Variants in GTF2IRD1 observed in about 807,000 individuals in gnomAD.
GTF2IRD1 encodes the protein GTF2I repeat domain containing 1.
Under a neutral mutation model 113.2 loss-of-function variants are expected in GTF2IRD1, and 26 were observed. The observed-to-expected ratio is 0.23, with a 90% confidence interval of 0.17 to 0.32. The LOEUF (loss-of-function observed/expected upper bound fraction) is 0.32. Ranked by LOEUF, GTF2IRD1 falls within the 10% of genes least tolerant of loss-of-function variation. The pLI is 1.00. For missense variants in GTF2IRD1, 864 were observed against 1,280.8 expected (o/e 0.67, Z 4.97); for synonymous variants, 484 against 529.1 (o/e 0.91, Z 1.17).
intron 22 of GTF2IRD1, among the ~76,000 whole-genome samples, chr7:74,568,761 G>T (rs1800502153): frequency 6.6e-6 from 1 of 152,190 alleles, no homozygotes; most frequent in African/African-American, 2.4e-5. Flanking sequence ...AGGGACAGGG[G>T]AGGGTGATGA....
chr7:74,582,013 AAAAT>A (rs1288304650), intron 22 of GTF2IRD1, among the ~76,000 whole-genome samples: 2 of 152,164 alleles, frequency 1.3e-5, no homozygotes, highest in South Asian at 2.1e-4. Flanking sequence ...TCAACTCAAA[AAAAT>A]AAATAAATAA....
At chr7:74,546,984 C>A in intron 16 of GTF2IRD1, 119 bp from the exon 17 acceptor site, 1 of 855,328 alleles carries the variant, frequency 1.2e-6, no homozygotes, top group Non-Finnish European at 1.8e-6. Context: ...CCCAGGAAAG[C>A]TGGCAGGCCC....
At chr7:74,600,964 G>A (rs1802723985) in intron 25 of GTF2IRD1, 80 bp from the exon 26 acceptor site, 1 of 1,497,550 alleles carries the variant, frequency 6.7e-7, no homozygotes, top group East Asian at 2.3e-5. Context: ...TTAAGACAGA[G>A]CACTTTTCCA....
At chr7:74,470,586 A>G (rs148232099) in intron 1 of GTF2IRD1, among the ~76,000 whole-genome samples, 78 of 152,380 alleles carry the variant, frequency 5.1e-4, no homozygotes, top group East Asian at 9.6e-4. Context: ...AGGAATATGT[A>G]TAGTGGCTTT....
intron 22 of GTF2IRD1, among the ~76,000 whole-genome samples, chr7:74,578,881 A>G (rs1554365299): frequency 6.6e-6 from 1 of 151,846 alleles, no homozygotes; most frequent in Non-Finnish European, 1.5e-5. Context: ...TTGCTATTCA[A>G]GAGGCTGAGG....
intron 25 of GTF2IRD1, among the ~76,000 whole-genome samples, chr7:74,599,654 T>C (rs1351656636): frequency 6.6e-6 from 1 of 152,146 alleles, no homozygotes; most frequent in Non-Finnish European, 1.5e-5. Flanking sequence ...AGGACCACCA[T>C]ACATTAGTGA....
At chr7:74,466,018 G>A (rs1375504968) in intron 1 of GTF2IRD1, among the ~76,000 whole-genome samples, 1 of 152,186 alleles carries the variant, frequency 6.6e-6, no homozygotes, top group East Asian at 1.9e-4. Context: ...TGATCCACCC[G>A]CCTTGGCCTC....
At chr7:74,535,166 G>A (rs782356750) in intron 10 of GTF2IRD1, 28 bp downstream of exon 10, 20 of 1,598,476 alleles carry the variant, frequency 1.3e-5, no homozygotes, top group African/African-American at 2.7e-5. Flanking sequence ...AGTCCATTCT[G>A]AAGTTTCCGG....
At chr7:74,467,910 G>C (rs781786086) in intron 1 of GTF2IRD1, among the ~76,000 whole-genome samples, 13 of 152,090 alleles carry the variant, frequency 8.5e-5, no homozygotes, top group African/African-American at 2.7e-4. Flanking sequence ...GACCAGACTG[G>C]TCTTGAACTC....
At chr7:74,540,964 A>G (rs1193076331) in intron 14 of GTF2IRD1, among the ~76,000 whole-genome samples, 1 of 150,574 alleles carries the variant, frequency 6.6e-6, no homozygotes, top group Non-Finnish European at 1.5e-5. Context: ...GGGTTTCACC[A>G]TGATGGTCAG....
Position 74,512,935 on chromosome 7 carries a change from C to T in GTF2IRD1, c.229C>T (p.Arg77Trp), listed in dbSNP as rs1554343452. The change falls in exon 3 of 27, where the codon CGG (arginine) becomes TGG (tryptophan). Residue 77 changes from arginine (R) to tryptophan (W), a missense_variant. Arg to Trp is a moderately radical substitution (Grantham distance 101). Transcript: ENST00000424337. This position sits in a 1 kb window ranked among gnomAD's most constrained non-coding sequence, Gnocchi z 4.4. ...GAAGGGGAGAATGTTCCTGAATGCC[C>T]GGAAGGAGCTACAGTCAGACTTCCT... Reference protein sequence around the residue: ...TEKGRMFLNARKELQSDFLRF... With the variant: ...TEKGRMFLNAWKELQSDFLRF... The T allele has an allele frequency of 1.9e-6, 3 of 1,614,034 alleles. No homozygotes were observed. Among genetic ancestry groups the T allele is most frequent in the South Asian group, 1.1e-5 (1 of 91,086 alleles).
intron 1 of GTF2IRD1, among the ~76,000 whole-genome samples, chr7:74,463,051 T>C (rs1793482387): frequency 6.6e-6 from 1 of 152,142 alleles, no homozygotes; most frequent in African/African-American, 2.4e-5. Context: ...GCGTCTCTGG[T>C]CTTCACTCCT....
chr7:74,601,748 C>T lies in GTF2IRD1; in HGVS notation c.2766+568C>T, dbSNP rs1461844386. The T allele has an allele frequency of 2.6e-5, 5 of 195,202 alleles. No homozygotes were observed. In the East Asian group the frequency reaches 6.1e-4, roughly 24 times the overall value. 12.1% of individuals were successfully genotyped at this position (195,202 alleles called of 1,614,324 possible). On this transcript the variant is annotated intron_variant, in intron 26 of 26. Coordinates refer to ENST00000424337, the MANE Select transcript of GTF2IRD1 (RefSeq NM_005685.4). ...AATGAGCCGAGGTCGCGCCATTGCACTGCAGCCTGGGCAACAAGAGTGAAA... is the reference window on the plus strand; with the variant it reads ...AATGAGCCGAGGTCGCGCCATTGCATTGCAGCCTGGGCAACAAGAGTGAAA...
intron 1 of GTF2IRD1, among the ~76,000 whole-genome samples, chr7:74,485,020 A>G (rs1168435985): frequency 6.6e-6 from 1 of 152,190 alleles, no homozygotes; most frequent in Non-Finnish European, 1.5e-5. Flanking sequence ...CCTTCCTTCC[A>G]GAATCCCACT....
intron 17 of GTF2IRD1, among the ~76,000 whole-genome samples, chr7:74,551,007 C>T (rs1333501759): frequency 1.3e-5 from 2 of 152,058 alleles, no homozygotes; most frequent in Admixed American, 6.6e-5. Flanking sequence ...CATTACTGCA[C>T]TCCAGTCTGG....
chr7:74,502,325 A>ACTAGG (rs1796075506), intron 1 of GTF2IRD1, among the ~76,000 whole-genome samples: 1 of 152,174 alleles, frequency 6.6e-6, no homozygotes, highest in Non-Finnish European at 1.5e-5. Context: ...CCCACCTCCC[A>ACTAGG]CTAGGCTGCA....
chr7:74,559,089 G>C, intron 21 of GTF2IRD1, 45 bp downstream of exon 21: 2 of 1,534,588 alleles, frequency 1.3e-6, no homozygotes, highest in Non-Finnish European at 1.8e-6. Flanking sequence ...GACTAGCTCA[G>C]ATGGGAGCTT....
chr7:74,544,885 TG>T, intron 15 of GTF2IRD1, 83 bp downstream of exon 15: 1 of 1,133,442 alleles, frequency 8.8e-7, no homozygotes, highest in Non-Finnish European at 1.3e-6. Flanking sequence ...CCTTGGCCTC[TG>T]GGTCTCTTCG....
intron 1 of GTF2IRD1, among the ~76,000 whole-genome samples, chr7:74,468,366 A>T (rs1179143878): frequency 1.8e-4 from 27 of 151,696 alleles, no homozygotes. Context: ...TTAAAAAAAA[A>T]AAAAAAACCC....
Sources: allele counts gnomAD v4.1 joint callset (sites outside exome capture counted in the v4.1 genomes callset), GRCh38; gene constraint gnomAD v4.1.1; non-coding constraint Gnocchi (gnomAD v3.1); transcripts MANE v1.5; gene names NCBI Gene and HGNC (gene_info 2026-07-23, HGNC 2026-07-21).